Variants in ELK3 observed in about 807,000 individuals in gnomAD.
ELK3 encodes the protein ETS transcription factor ELK3, also known as ETS domain-containing protein Elk-3.
Under a neutral mutation model 28.9 loss-of-function variants are expected in ELK3, and 10 were observed. The observed-to-expected ratio is 0.35, with a 90% CI of 0.21 to 0.59. The LOEUF is 0.59. Ranked by LOEUF, ELK3 falls within the 20% of genes least tolerant of loss-of-function variation. The probability of loss-of-function intolerance (pLI) is 0.82; values close to 1 mark genes in which losing one functional copy is unlikely to be tolerated. For missense variants in ELK3, 463 were observed against 517.3 expected (o/e 0.90, Z 1.02); for synonymous variants, 272 against 243.5 (o/e 1.12, Z -1.09).
At chr12:96,243,684 A>G (rs12821354) in intron 2 of ELK3, among the ~76,000 whole-genome samples, 6,269 of 152,142 alleles carry the variant, frequency 0.041, 144 homozygotes, top group Middle Eastern at 0.051. Flanking sequence ...CCCCATCTCT[A>G]CTAAAAAAAA....
At chr12:96,196,782 C>T (rs1951472358) in intron 1 of ELK3, among the ~76,000 whole-genome samples, 1 of 138,630 alleles carries the variant, frequency 7.2e-6, no homozygotes, top group Non-Finnish European at 1.5e-5. Context: ...TTAAATGTTG[C>T]GTAGAAATGT....
chr12:96,261,721 G>A (rs566364050), intron 4 of ELK3, among the ~76,000 whole-genome samples: 1 of 152,282 alleles, frequency 6.6e-6, no homozygotes, highest in South Asian at 2.1e-4. Flanking sequence ...AAGCAATGGA[G>A]CACTATTGGC....
intron 1 of ELK3, among the ~76,000 whole-genome samples, chr12:96,214,121 A>T (rs1016702762): frequency 6.6e-6 from 1 of 152,158 alleles, no homozygotes; most frequent in African/African-American, 2.4e-5. Flanking sequence ...CCAAGATGGA[A>T]GAGTTATTTA....
At chr12:96,231,262 T>C (rs1039596355) in intron 2 of ELK3, among the ~76,000 whole-genome samples, 8 of 152,250 alleles carry the variant, frequency 5.3e-5, no homozygotes, top group African/African-American at 1.9e-4. Context: ...GGTAGTTTTA[T>C]AACCTGATGT....
At chr12:96,196,485 C>T (rs1406925444) in intron 1 of ELK3, among the ~76,000 whole-genome samples, 1 of 152,072 alleles carries the variant, frequency 6.6e-6, no homozygotes, top group African/African-American at 2.4e-5. Flanking sequence ...GTGAGCCTTA[C>T]AAAATACCCT....
chr12:96,247,630 TCAGCGCC>T lies in ELK3; in HGVS notation c.900_906del (p.Ala301ArgfsTer39). On this transcript the variant is annotated frameshift_variant, in exon 3 of 5. Transcript: ENST00000228741. LOFTEE classifies it high-confidence loss of function. This position sits in a 1 kb window ranked among gnomAD's most constrained non-coding sequence, Gnocchi z 5.5. ...CAAAAAACCCAAAGGCTTGGAAATC[TCAGCGCC>T]CCCGCTGGTGCTCTCCGGCACCGAC... 1 of 1,613,384 alleles carries T rather than the reference TCAGCGCC, an allele frequency of 6.2e-7. No homozygotes were observed. Among genetic ancestry groups the T allele is most frequent in the Non-Finnish European group, 8.5e-7 (1 of 1,180,014 alleles).
rs1367920147 is a variant in ELK3, at chr12:96,249,495, G to A, written c.1002+1761G>A. Reference sequence around the variant, plus strand: ...GGCTGTCCAGTGACCAAGGGCTGCTGAGCAAATGGCTCAGAAACAGCAGCT... The same window carrying A: ...GGCTGTCCAGTGACCAAGGGCTGCTAAGCAAATGGCTCAGAAACAGCAGCT... On this transcript the variant is annotated intron_variant, in intron 3 of 4. Coordinates refer to ENST00000228741, the MANE Select transcript of ELK3 (RefSeq NM_005230.4). Among the ~76,000 whole-genome samples, 5 of 152,212 alleles carry A rather than the reference G, an allele frequency of 3.3e-5. No homozygotes were observed. The East Asian group carries it at 9.6e-4, about 29-fold the overall frequency.
intron 3 of ELK3, among the ~76,000 whole-genome samples, chr12:96,257,030 C>T (rs537325480): frequency 4.6e-5 from 7 of 152,306 alleles, no homozygotes; most frequent in Non-Finnish European, 7.4e-5. Flanking sequence ...TCCCAGCAGC[C>T]GTGGGATCAG....
At chr12:96,223,805 G>GGGGAGGGT (rs1374226232) in intron 2 of ELK3, 32 bp downstream of exon 2, 1 of 1,607,648 alleles carries the variant, frequency 6.2e-7, no homozygotes, top group South Asian at 1.1e-5. Flanking sequence ...GGGCCGTCTT[G>GGGGAGGGT]GGGAGGGTGG....
chr12:96,223,214 T>G, intron 1 of ELK3, among the ~76,000 whole-genome samples: 1 of 152,098 alleles, frequency 6.6e-6, no homozygotes, highest in East Asian at 1.9e-4. Flanking sequence ...TAGACACTTG[T>G]GTTAAGTGGG....
In ELK3 at chr12:96,267,168, T is replaced by C. The variant is rs1281037339; in HGVS notation, c.1212T>C (p.Ser404=). 4 of 1,612,314 alleles carry C rather than the reference T, an allele frequency of 2.5e-6. No homozygotes were observed. Among genetic ancestry groups the C allele is most frequent in the African/African-American group, 1.3e-5 (1 of 75,020 alleles). The change falls in exon 5 of 5, where the codon TCT becomes TCC. Residue 404 remains serine (S), a synonymous_variant. Transcript: ENST00000228741. The part of the protein sequence containing the change: ...AASPVLLSSN[S]QKS Reference sequence around the variant, plus strand: ...CTCCAGTACTGCTTTCTTCAAACTCTCAGAAATCCTGATGACGTCTGGCCA... The same window carrying C: ...CTCCAGTACTGCTTTCTTCAAACTCCCAGAAATCCTGATGACGTCTGGCCA...
chr12:96,210,418 C>T (rs1951567839), intron 1 of ELK3, among the ~76,000 whole-genome samples: 1 of 152,178 alleles, frequency 6.6e-6, no homozygotes, highest in African/African-American at 2.4e-5. Flanking sequence ...GGATTCCAGC[C>T]TGTCCCTATT....
rs575572103 is a variant in ELK3 at position 96,246,182 on chromosome 12, T to C, written c.208-758T>C. 1.7e-4 allele frequency among the ~76,000 whole-genome samples: 26 copies of C among 152,322 alleles called. No homozygotes were observed. In the South Asian group the frequency reaches 5.0e-3, roughly 29 times the overall value. On this transcript the variant is annotated intron_variant, in intron 2 of 4. Transcript: ENST00000228741. Reference sequence around the variant, plus strand: ...CGCAGAGGTAGGTAAGACAATACTGTGTTATGGTTCAGGACATGCTGCCTC... The same window carrying C: ...CGCAGAGGTAGGTAAGACAATACTGCGTTATGGTTCAGGACATGCTGCCTC...
intron 2 of ELK3, among the ~76,000 whole-genome samples, chr12:96,233,454 T>G (rs1592681188): frequency 6.6e-6 from 1 of 152,174 alleles, no homozygotes; most frequent in Non-Finnish European, 1.5e-5. Flanking sequence ...AGCCTCACGA[T>G]GTACTGAACA....
chr12:96,262,023 T>TAC (rs1565793663), intron 4 of ELK3, among the ~76,000 whole-genome samples: 1 of 150,654 alleles, frequency 6.6e-6, no homozygotes, highest in African/African-American at 2.4e-5. Flanking sequence ...AAAACTTTTT[T>TAC]TTTTTTTTTT....
intron 1 of ELK3, among the ~76,000 whole-genome samples, chr12:96,195,259 A>G (rs969792444): frequency 1.3e-4 from 19 of 150,380 alleles, no homozygotes; most frequent in African/African-American, 4.6e-4. Flanking sequence ...GGTGGAGGAC[A>G]TGGGTCGCGA....
At chr12:96,264,160 T>A (rs1952013140) in intron 4 of ELK3, among the ~76,000 whole-genome samples, 1 of 152,046 alleles carries the variant, frequency 6.6e-6, no homozygotes, top group South Asian at 2.1e-4. Flanking sequence ...GTTTTGAAAT[T>A]TTTTTGTAGA....
At chr12:96,212,211 A>G (rs1009158138) in intron 1 of ELK3, among the ~76,000 whole-genome samples, 8 of 152,244 alleles carry the variant, frequency 5.3e-5, no homozygotes, top group South Asian at 4.1e-4. Flanking sequence ...CTGCAGAAGA[A>G]GAGGAAGCTG....
At chr12:96,258,955 A>G (rs1951971985) in intron 3 of ELK3, among the ~76,000 whole-genome samples, 1 of 152,238 alleles carries the variant, frequency 6.6e-6, no homozygotes, top group South Asian at 2.1e-4. Context: ...TTTTAACAGC[A>G]AATCCCAAAG....
Sources: gnomAD v4.1 joint callset for allele counts (sites outside exome capture counted in the v4.1 genomes callset) on GRCh38, gnomAD v4.1.1 for gene constraint, Gnocchi (gnomAD v3.1) non-coding constraint, MANE v1.5 for transcripts, NCBI Gene and HGNC (gene_info 2026-07-23, HGNC 2026-07-21) for gene names.